The following ABCA7 variants were observed in gnomAD, a reference collection of about 807,000 sequenced individuals.
The protein encoded by ABCA7 is ATP binding cassette subfamily A member 7, also known as phospholipid-transporting ATPase ABCA7.
In ABCA7, 261 loss-of-function variants were observed where a neutral mutation model predicts 227.6. That is an observed-to-expected ratio of 1.15 (90% confidence interval 1.04 to 1.27). ABCA7 has a LOEUF of 1.27. Among genes scored for constraint, ABCA7 ranks in the 50% most tolerant of loss-of-function variants. The pLI, the probability that ABCA7 is intolerant of heterozygous loss-of-function variation, is 0.00. For synonymous variants in ABCA7, 1,488 were observed against 1,279.7 expected, an observed-to-expected ratio of 1.16 and a Z score of -3.47; for missense variants, 3,331 against 2,924.5, an observed-to-expected ratio of 1.14 and a Z score of -3.21.
chr19:1,047,817 G>A (rs1599598643), intron 16 of ABCA7, among the ~76,000 whole-genome samples, 163 bp downstream of exon 16: 2 of 152,286 alleles, frequency 1.3e-5, no homozygotes, highest in East Asian at 3.9e-4. Context: ...GCATTGGAGG[G>A]GCGGGGCCTG....
Position 1,050,901 on chromosome 19 carries a change from T to C in ABCA7, c.2553-20T>C. 6.4e-7 allele frequency: 1 copy of C among 1,571,686 alleles called. No individual in the cohort carries two copies. Among genetic ancestry groups the C allele is most frequent in the South Asian group, 1.2e-5 (1 of 86,458 alleles). ...GTGCACTCTGTGAAGGGGGCTACTC[T>C]GAGACCCCTCTATCCACAGGTCCAT... is the stretch of plus-strand genomic sequence containing the variant. On this transcript the variant is annotated intron_variant, in intron 18 of 46. Coordinates refer to ENST00000263094, the MANE Select transcript of ABCA7 (RefSeq NM_019112.4).
chr19:1,046,764 A>T, intron 13 of ABCA7, 38 bp from the exon 14 acceptor site: 2 of 1,519,414 alleles, frequency 1.3e-6, no homozygotes, highest in Non-Finnish European at 1.8e-6. Flanking sequence ...GGGTCTGCGG[A>T]GGGTCTCCAG....
rs2041562473 is a variant in ABCA7, at chr19:1,050,987, C to T, written c.2619C>T (p.Arg873=). ...GSAFILGHDV[R]SSMAAIRPHL... is the part of the protein sequence containing the mutation. ...CCTTCATCCTGGGCCACGACGTCCGCTCCAGCATGGCCGCCATCCGGCCCC... is the reference window on the plus strand; with the variant it reads ...CCTTCATCCTGGGCCACGACGTCCGTTCCAGCATGGCCGCCATCCGGCCCC... The change falls in exon 19 of 47, where the codon CGC becomes CGT. Residue 873 remains arginine (R), a synonymous_variant. Coordinates refer to ENST00000263094, the MANE Select transcript of ABCA7 (RefSeq NM_019112.4). 3 of 1,612,386 alleles carry T rather than the reference C, an allele frequency of 1.9e-6. No homozygotes were observed. Among genetic ancestry groups the T allele is most frequent in the Non-Finnish European group, 2.5e-6 (3 of 1,179,800 alleles).
Position 1,054,365 on chromosome 19 carries a change from G to A in ABCA7, c.3726+24G>A. The stretch of plus-strand genomic sequence containing the variant: ...AGGTGAGGAGGGCTAGCACCAGGGA[G>A]TCGCATGGGAGTCCCTGAGTTCCCT... On this transcript the variant is annotated intron_variant, in intron 27 of 46. Transcript: ENST00000263094. This position sits in a 1 kb window ranked among gnomAD's most constrained non-coding sequence, Gnocchi z 4.8. 6.3e-7 allele frequency: 1 copy of A among 1,578,110 alleles called. No individual in the cohort carries two copies. The highest frequency in any genetic ancestry group is 8.6e-7 in the Non-Finnish European group (1 of 1,166,898).
Position 1,056,400 on chromosome 19 carries a change from G to A in ABCA7, c.4487G>A (p.Arg1496His), listed in dbSNP as rs141113429. 364 of 1,613,160 alleles carry A rather than the reference G, an allele frequency of 2.3e-4. No individual in the cohort carries two copies. Among genetic ancestry groups the A allele is most frequent in the Non-Finnish European group, 2.4e-4 (281 of 1,179,950 alleles). The change falls in exon 33 of 47, where the codon CGT becomes CAT. Residue 1496 changes from arginine to histidine, a missense_variant. Physicochemically the swap from Arg to His is conservative, Grantham distance 29. Coordinates refer to ENST00000263094, the MANE Select transcript of ABCA7 (RefSeq NM_019112.4). The surrounding 1 kb of genome is among the most constrained non-coding windows in gnomAD (Gnocchi z 4.3). ...FVNRASNAIL[R>H]AHLPPGPARH... ...AACCGAGCCAGCAACGCAATCCTCC[G>A]TGCTCACCTGCCCCCAGGCCCGGCC...
At position 1,041,429 on chromosome 19, in the gene ABCA7, T is replaced by C; in HGVS notation, c.66+2T>C. On this transcript the variant is annotated splice_donor_variant, in intron 2 of 46. Coordinates refer to ENST00000263094, the MANE Select transcript of ABCA7 (RefSeq NM_019112.4). LOFTEE classifies it high-confidence loss of function. The stretch of plus-strand genomic sequence containing the variant: ...TTCATGTATCGCCGGAGACAGCCGG[T>C]AACGCCCCAGTGTGAGACCAGGGCC... The C allele has an allele frequency of 6.2e-7, 1 of 1,614,004 alleles. No homozygotes were observed. Among genetic ancestry groups the C allele is most frequent in the African/African-American group, 1.3e-5 (1 of 75,044 alleles).
Position 1,043,093 on chromosome 19 carries a change from G to T in ABCA7, c.632G>T (p.Arg211Leu), listed in dbSNP as rs755949937. 1.9e-6 allele frequency: 3 copies of T among 1,612,362 alleles called. No homozygotes were observed. In the East Asian group the frequency reaches 6.7e-5, roughly 36 times the overall value. ...CTTCGGGCACTGCTGCAGAGACCCCGAGGGACCAGCGGCCCCCTGGAGTTG... is the reference window on the plus strand; with the variant it reads ...CTTCGGGCACTGCTGCAGAGACCCCTAGGGACCAGCGGCCCCCTGGAGTTG... ...VELRALLQRP[R>L]GTSGPLELLS... Residue 211 changes from arginine to leucine, a missense_variant, in exon 8 of 47, where the codon CGA becomes CTA. Coordinates refer to ENST00000263094, the MANE Select transcript of ABCA7 (RefSeq NM_019112.4).
chr19:1,054,157 C>T lies in ABCA7; in HGVS notation c.3578-36C>T. 6.2e-7 allele frequency: 1 copy of T among 1,612,230 alleles called. No homozygotes were observed. Among genetic ancestry groups the T allele is most frequent in the Non-Finnish European group, 8.5e-7 (1 of 1,179,572 alleles). ...TGGGGTCCTCCCAGCCACCCCCCCA[C>T]AGCAGCGTGAGCACTGACCCTCTCA... On this transcript the variant is annotated intron_variant, in intron 26 of 46. Coordinates refer to ENST00000263094, the MANE Select transcript of ABCA7 (RefSeq NM_019112.4). This position sits in a 1 kb window ranked among gnomAD's most constrained non-coding sequence, Gnocchi z 4.8.
chr19:1,052,118 A>G lies in ABCA7; in HGVS notation c.3139A>G (p.Asn1047Asp). ...GAAGGCCCGCCTGCCCCTGACCACC[A>G]ATGAGAAGGTGGGGACCGGCCTTCT... ...LVKARLPLTT[N>D]EKADTDMEGS... Residue 1047 changes from asparagine to aspartate, a missense_variant, in exon 22 of 47, where the codon AAT (asparagine) becomes GAT (aspartate). Physicochemically the swap from Asn to Asp is conservative, Grantham distance 23. Transcript: ENST00000263094. 1 of 1,612,050 alleles carries G rather than the reference A, an allele frequency of 6.2e-7. No individual in the cohort carries two copies. Among genetic ancestry groups the G allele is most frequent in the East Asian group, 2.2e-5 (1 of 44,776 alleles).
At chr19:1,064,565 T>G in intron 45 of ABCA7, 3 of 427,568 alleles carry the variant, frequency 7.0e-6, no homozygotes, top group South Asian at 3.7e-5. Context: ...AGGGCCTGGT[T>G]AGTGGGCGGG....
intron 23 of ABCA7, 141 bp from the exon 24 acceptor site, chr19:1,053,188 C>A: frequency 2.3e-6 from 2 of 860,700 alleles, no homozygotes; most frequent in Non-Finnish European, 3.5e-6. Flanking sequence ...CCACTGCGCC[C>A]GGCCGCACCT....
Position 1,047,642 on chromosome 19 carries a change from G to C in ABCA7, c.2257G>C (p.Ala753Pro). 3.1e-6 allele frequency: 5 copies of C among 1,596,870 alleles called. No homozygotes were observed. Among genetic ancestry groups the C allele is most frequent in the Non-Finnish European group, 4.2e-6 (5 of 1,176,494 alleles). Residue 753 changes from alanine (A) to proline (P), a missense_variant, in exon 16 of 47, where the codon GCT becomes CCT. Coordinates refer to ENST00000263094, the MANE Select transcript of ABCA7 (RefSeq NM_019112.4). ...CGGCCTCGCCACCTGGTACCTGGAA[G>C]CTGTGTGCCCAGGTGGGCCGTAGGG... ...LYGLATWYLE[A>P]VCPGQYGIPE...
intron 12 of ABCA7, 126 bp downstream of exon 12, chr19:1,045,357 G>A (rs1470733899): frequency 2.0e-6 from 2 of 1,012,160 alleles, no homozygotes; most frequent in Admixed American, 4.9e-5. Flanking sequence ...ATCAACAGTG[G>A]TATGGTAGCC....
chr19:1,051,380 C>T lies in ABCA7; in HGVS notation c.2825-69C>T, dbSNP rs139313613. 458 of 714,028 alleles carry T rather than the reference C, an allele frequency of 6.4e-4. 2 individuals carry two copies. In the Middle Eastern group the frequency reaches 7.7e-3, roughly 12 times the overall value. The allele number at this position is 714,028 out of a possible 1,614,324, so 44.2% of individuals were successfully genotyped here. On this transcript the variant is annotated intron_variant, in intron 20 of 46. Coordinates refer to ENST00000263094, the MANE Select transcript of ABCA7 (RefSeq NM_019112.4). ...GCAGGGGGAAGCCGGGTACTGAGGTCCACGTGGGTAGGCAACCTTGCCCAA... is the reference window on the plus strand; with the variant it reads ...GCAGGGGGAAGCCGGGTACTGAGGTTCACGTGGGTAGGCAACCTTGCCCAA...
intron 12 of ABCA7, 105 bp from the exon 13 acceptor site, chr19:1,046,125 C>A: frequency 7.5e-7 from 1 of 1,325,342 alleles, no homozygotes; most frequent in Non-Finnish European, 1.0e-6. Context: ...TTCACTCCAG[C>A]CTGGGCGACA....
chr19:1,041,380 C>G lies in ABCA7; in HGVS notation c.19C>G (p.Leu7Val), dbSNP rs2040017988. ...TCTCACCATGGCCTTCTGGACACAG[C>G]TGATGCTGCTGCTCTGGAAGAATTT... MAFWTQLMLLLWKNFMY... is the reference protein window; with the variant it reads MAFWTQVMLLLWKNFMY... Residue 7 changes from leucine (L) to valine (V), a missense_variant, in exon 2 of 47, where the codon CTG (leucine) becomes GTG (valine). Transcript: ENST00000263094. 1 of 1,613,940 alleles carries G rather than the reference C, an allele frequency of 6.2e-7. No homozygotes were observed. Among genetic ancestry groups the G allele is most frequent in the Non-Finnish European group, 8.5e-7 (1 of 1,180,040 alleles).
Position 1,059,070 on chromosome 19 carries a change from G to A in ABCA7, c.5448G>A (p.Gly1816=). 1 of 1,613,404 alleles carries A rather than the reference G, an allele frequency of 6.2e-7. No homozygotes were observed. Among genetic ancestry groups the A allele is most frequent in the Non-Finnish European group, 8.5e-7 (1 of 1,179,916 alleles). ...RMPAVDRLCL[G]IPPGECFGLL... ...CAGCTGTTGACCGCTTGTGCCTGGGGATTCCCCCTGGTGAGGTGAGTCCAG... is the reference window on the plus strand; with the variant it reads ...CAGCTGTTGACCGCTTGTGCCTGGGAATTCCCCCTGGTGAGGTGAGTCCAG... Residue 1816 remains glycine (G), a synonymous_variant, in exon 40 of 47, where the codon GGG becomes GGA. Coordinates refer to ENST00000263094, the MANE Select transcript of ABCA7 (RefSeq NM_019112.4).
chr19:1,042,764 C>T lies in ABCA7; in HGVS notation c.517C>T (p.Leu173=), dbSNP rs555563668. The T allele has an allele frequency of 4.3e-6, 7 of 1,613,514 alleles. No individual in the cohort carries two copies. Among genetic ancestry groups the T allele is most frequent in the East Asian group, 2.2e-5 (1 of 44,874 alleles). Residue 173 remains leucine (L), a synonymous_variant, in exon 7 of 47, where the codon CTG becomes TTG. Transcript: ENST00000263094. ...TCCCCAGGAATCCCTGGGGTTGGCA[C>T]TGGGCCAAGCCCAGGAGCCCTTGCA... ...LLRTESLGLA[L]GQAQEPLHSL... is the part of the protein sequence containing the mutation.
Position 1,048,903 on chromosome 19 carries a change from G to A in ABCA7, c.2278G>A (p.Gly760Arg), listed in dbSNP as rs751421390. The A allele has an allele frequency of 1.0e-5, 16 of 1,604,524 alleles. No individual in the cohort carries two copies. Among genetic ancestry groups the A allele is most frequent in the South Asian group, 2.2e-5 (2 of 89,334 alleles). The change falls in exon 17 of 47, where the codon GGG (glycine) becomes AGG (arginine). Residue 760 changes from glycine (G) to arginine (R), a missense_variant. Physicochemically the swap from Gly to Arg is moderately radical, Grantham distance 125 (BLOSUM62 -2). Coordinates refer to ENST00000263094, the MANE Select transcript of ABCA7 (RefSeq NM_019112.4). The stretch of plus-strand genomic sequence containing the variant: ...CGCGCCCCTCCCCGCAGGCCAGTAC[G>A]GGATCCCTGAACCATGGAATTTTCC... Reference protein sequence around the residue: ...YLEAVCPGQYGIPEPWNFPFR... With the variant: ...YLEAVCPGQYRIPEPWNFPFR...
Sources: gnomAD v4.1 joint callset for allele counts (sites outside exome capture counted in the v4.1 genomes callset) on GRCh38, gnomAD v4.1.1 for gene constraint, Gnocchi (gnomAD v3.1) non-coding constraint, MANE v1.5 for transcripts, NCBI Gene and HGNC (gene_info 2026-07-23, HGNC 2026-07-21) for gene names.